Variants in ESR1 observed in about 807,000 individuals in gnomAD.
ESR1 encodes the protein estrogen receptor 1.
ESR1 carries 12 observed loss-of-function variants against 52.7 expected under a neutral mutation model. The observed-to-expected ratio is 0.23, with a 90% CI of 0.15 to 0.37. ESR1 has a LOEUF of 0.37. ESR1 is among the 10% of genes least tolerant of loss of function. ESR1 has a pLI of 1.00. For missense variants in ESR1, 584 were observed against 779.7 expected (o/e 0.75, Z 2.99); for synonymous variants, 305 against 316.8 (o/e 0.96, Z 0.39).
chr6:151,823,178 G>A (rs2128194723), intron 1 of ESR1, among the ~76,000 whole-genome samples: 1 of 152,302 alleles, frequency 6.6e-6, no homozygotes, highest in Middle Eastern at 3.4e-3. Context: ...GGTTACATCT[G>A]GCAGCCCTAG....
chr6:151,698,768 A>G (rs367857551), intron 1 of ESR1, among the ~76,000 whole-genome samples: 13 of 152,320 alleles, frequency 8.5e-5, no homozygotes, highest in African/African-American at 2.9e-4. Flanking sequence ...TGATGATGCT[A>G]CACTCCTGAG....
At chr6:151,770,097 G>T (rs527916758) in intron 2 of ESR1, among the ~76,000 whole-genome samples, 98 of 152,014 alleles carry the variant, frequency 6.4e-4, no homozygotes, top group African/African-American at 2.3e-3. Flanking sequence ...TGGAATAGAT[G>T]AGTGGAGAGA....
intron 3 of ESR1, among the ~76,000 whole-genome samples, chr6:151,897,901 T>A (rs1795801505): frequency 6.6e-6 from 1 of 152,212 alleles, no homozygotes; most frequent in Non-Finnish European, 1.5e-5. Flanking sequence ...AGTGGCGAAT[T>A]CTCTTAGCGT....
intron 5 of ESR1, among the ~76,000 whole-genome samples, chr6:152,052,420 A>AT (rs1489003874): frequency 2.6e-5 from 4 of 152,150 alleles, no homozygotes; most frequent in Non-Finnish European, 5.9e-5. Context: ...GACAGGACAA[A>AT]TTTGGCCTGC....
intron 2 of ESR1, among the ~76,000 whole-genome samples, chr6:151,705,421 C>T (rs945407545): frequency 4.6e-5 from 7 of 151,798 alleles, no homozygotes; most frequent in Non-Finnish European, 1.0e-4. Context: ...GGTTTCTAAA[C>T]ACATATGAAC....
rs545732135 is a variant in ESR1, at chr6:151,777,887, G to A, written c.-70-29956G>A. Among the ~76,000 whole-genome samples the A allele has an allele frequency of 1.3e-4, 20 of 152,236 alleles. 1 individual carries two copies. In the South Asian group the frequency reaches 3.7e-3, roughly 28 times the overall value. On this transcript the variant is annotated intron_variant, in intron 2 of 2. Transcript: ENST00000404742. Reference sequence around the variant, plus strand: ...AGGCAGGAGAATCGCTTGAACCCAGGAGGCAGAGGGTGCAGTGAGCCGAGA... The same window carrying A: ...AGGCAGGAGAATCGCTTGAACCCAGAAGGCAGAGGGTGCAGTGAGCCGAGA...
chr6:151,735,856 G>A (rs1257919315), intron 2 of ESR1, among the ~76,000 whole-genome samples: 2 of 152,102 alleles, frequency 1.3e-5, no homozygotes, highest in Non-Finnish European at 2.9e-5. Context: ...GGATCATGGG[G>A]GGCAATTCCC....
At chr6:151,802,896 G>A (rs974276201), upstream of ESR1, among the ~76,000 whole-genome samples, 1 of 151,788 alleles carries the variant, frequency 6.6e-6, no homozygotes. Context: ...GGAGGCTGAG[G>A]CAGGAGAATC....
At chr6:151,844,946 A>T (rs1214711463) in intron 2 of ESR1, among the ~76,000 whole-genome samples, 11 of 152,204 alleles carry the variant, frequency 7.2e-5, no homozygotes, top group Admixed American at 7.2e-4. Context: ...TACCTGTATG[A>T]GAAAGATAAG....
chr6:151,897,726 A>G (rs889862531), intron 3 of ESR1, among the ~76,000 whole-genome samples: 2 of 152,126 alleles, frequency 1.3e-5, no homozygotes, highest in East Asian at 1.9e-4. Context: ...TCATCATGCC[A>G]TTTGTTGCCT....
In ESR1 at chr6:152,122,627, G is replaced by C; in HGVS notation, c.851-2639G>C. 3.1e-6 allele frequency: 5 copies of C among 1,614,116 alleles called. No individual in the cohort carries two copies. The highest frequency in any genetic ancestry group is 1.7e-4 in the Middle Eastern group (1 of 6,056). On this transcript the variant is annotated intron_variant, in intron 6 of 6. Transcript: ENST00000427531. ...CTGAACAGGAAGCCGCGGCCGGACCGACCTGGCCCTGGCTCAGAAAGGGAG... is the reference window on the plus strand; with the variant it reads ...CTGAACAGGAAGCCGCGGCCGGACCCACCTGGCCCTGGCTCAGAAAGGGAG...
chr6:152,020,599 C>A (rs551590353), intron 5 of ESR1, among the ~76,000 whole-genome samples: 1 of 151,958 alleles, frequency 6.6e-6, no homozygotes, highest in Non-Finnish European at 1.5e-5. Context: ...TACACGCATG[C>A]GCCATCATGC....
chr6:151,718,059 G>GATGA (rs1562352859), intron 2 of ESR1, among the ~76,000 whole-genome samples: 1 of 152,120 alleles, frequency 6.6e-6, no homozygotes, highest in East Asian at 1.9e-4. Flanking sequence ...ATAGACATCT[G>GATGA]ATGAATGAAT....
intron 4 of ESR1, among the ~76,000 whole-genome samples, chr6:151,995,582 A>G (rs1305470970): frequency 6.6e-6 from 1 of 152,208 alleles, no homozygotes; most frequent in Non-Finnish European, 1.5e-5. Context: ...TTGAAATTCT[A>G]ACTACATTGT....
intron 3 of ESR1, among the ~76,000 whole-genome samples, chr6:151,915,929 T>A (rs1455346941): frequency 6.6e-6 from 1 of 152,128 alleles, no homozygotes; most frequent in African/African-American, 2.4e-5. Flanking sequence ...GGACAAATAT[T>A]CTGGAGCAGT....
Position 152,099,866 on chromosome 6 carries a change from C to T in ESR1, c.*900C>T. 7.6e-6 allele frequency: 3 copies of T among 396,958 alleles called. No homozygotes were observed. Among genetic ancestry groups the T allele is most frequent in the East Asian group, 3.6e-5 (1 of 28,022 alleles). The allele number at this position is 396,958 out of a possible 1,614,324, so 24.6% of individuals were successfully genotyped here. On this transcript the variant is annotated 3_prime_UTR_variant, in exon 8 of 8. Transcript: ENST00000206249. ...AGTGGGCACTGTACTTGGATCTTCCCGGCGTGTGTGTGCCTTACACAGGGG... is the reference window on the plus strand; with the variant it reads ...AGTGGGCACTGTACTTGGATCTTCCTGGCGTGTGTGTGCCTTACACAGGGG...
At chr6:151,744,590 G>C (rs1160404721) in intron 2 of ESR1, among the ~76,000 whole-genome samples, 1 of 152,032 alleles carries the variant, frequency 6.6e-6, no homozygotes, top group African/African-American at 2.4e-5. Flanking sequence ...GAGTTGTAAG[G>C]ATTCGTTATA....
At chr6:152,049,745 T>C (rs1368293327) in intron 5 of ESR1, among the ~76,000 whole-genome samples, 1 of 152,142 alleles carries the variant, frequency 6.6e-6, no homozygotes, top group Non-Finnish European at 1.5e-5. Flanking sequence ...GTGCCAGGGA[T>C]GTGATTAGAG....
At chr6:151,979,321 G>A (rs918798274) in intron 4 of ESR1, among the ~76,000 whole-genome samples, 3 of 152,040 alleles carry the variant, frequency 2.0e-5, no homozygotes, top group Non-Finnish European at 4.4e-5. Flanking sequence ...TCTAGAACAG[G>A]TAGAGAACAA....
Sources: gnomAD v4.1 joint callset for allele counts (sites outside exome capture counted in the v4.1 genomes callset) on GRCh38, gnomAD v4.1.1 for gene constraint, MANE v1.5 for transcripts, NCBI Gene and HGNC (gene_info 2026-07-23, HGNC 2026-07-21) for gene names.